The following CACNG2 variants were observed in gnomAD, a reference collection of about 807,000 sequenced individuals.
CACNG2 encodes the protein voltage-dependent calcium channel gamma-2 subunit.
Under a neutral mutation model 25.9 loss-of-function variants are expected in CACNG2, and 3 were observed. That is an observed-to-expected ratio of 0.12 (90% CI 0.05 to 0.30). The LOEUF is 0.30. Ranked by LOEUF, CACNG2 falls within the 10% of genes least tolerant of loss-of-function variation. The pLI is 1.00. For synonymous variants in CACNG2, 167 were observed against 173.3 expected (o/e 0.96, Z 0.29); for missense variants, 341 against 432.5 (o/e 0.79, Z 1.88).
chr22:36,651,356 G>A (rs1315086661), intron 1 of CACNG2, among the ~76,000 whole-genome samples: 2 of 148,172 alleles, frequency 1.3e-5, no homozygotes, highest in Non-Finnish European at 3.0e-5. Flanking sequence ...AGCCTCCCAA[G>A]TAGCTGGGAT....
At chr22:36,676,932 T>TGTGTGTGTGTGTGTGTG (rs1937027309) in intron 1 of CACNG2, among the ~76,000 whole-genome samples, 1 of 141,650 alleles carries the variant, frequency 7.1e-6, no homozygotes, top group East Asian at 2.1e-4. Context: ...TCTTCTAATA[T>TGTGTGTGTGTGTGTGTG]TGTGTGTGTG....
chr22:36,628,151 G>T (rs1194095739), intron 1 of CACNG2, among the ~76,000 whole-genome samples: 2 of 152,150 alleles, frequency 1.3e-5, no homozygotes, highest in African/African-American at 4.8e-5. Context: ...ATGTACTCAA[G>T]TTTTTATAAT....
At chr22:36,669,967 G>A (rs1936926295) in intron 1 of CACNG2, among the ~76,000 whole-genome samples, 2 of 152,094 alleles carry the variant, frequency 1.3e-5, no homozygotes, top group South Asian at 4.1e-4. Context: ...ACCCGCCTTG[G>A]CCTCCTAAAT....
At chr22:36,679,175 TTCCTTCCTTCCTTCCTTCCTTC>T (rs1601451667) in intron 1 of CACNG2, among the ~76,000 whole-genome samples, 1 of 127,504 alleles carries the variant, frequency 7.8e-6, no homozygotes, top group East Asian at 2.3e-4. Flanking sequence ...CCTTCCTTCC[TTCCTTCCTTCCTTCCTTCCTTC>T]CTTTCTTTCT....
At chr22:36,674,095 A>G (rs1041348857) in intron 1 of CACNG2, among the ~76,000 whole-genome samples, 1 of 152,150 alleles carries the variant, frequency 6.6e-6, no homozygotes, top group Non-Finnish European at 1.5e-5. Context: ...GCCATTGAAG[A>G]GGTTGCCTAG....
intron 1 of CACNG2, among the ~76,000 whole-genome samples, chr22:36,588,432 A>G (rs183335829): frequency 9.8e-4 from 149 of 152,330 alleles, no homozygotes; most frequent in African/African-American, 3.4e-3. Context: ...TGGCCTTTCT[A>G]AAAACCGATA....
intron 1 of CACNG2, among the ~76,000 whole-genome samples, chr22:36,615,340 G>A (rs1041875358): frequency 2.0e-5 from 3 of 152,190 alleles, no homozygotes; most frequent in African/African-American, 7.2e-5. Flanking sequence ...CACACCTGCA[G>A]GGCCCTTCTT....
Position 36,569,382 on chromosome 22 carries a change from G to A in CACNG2, c.296-2889C>T, listed in dbSNP as rs999057960. Reference sequence around the variant, plus strand: ...GGAGCACCCTGTAGTCTCCCTATGTGGCTTCCAAGGAGCCCAGGAAGGGTG... The same window carrying A: ...GGAGCACCCTGTAGTCTCCCTATGTAGCTTCCAAGGAGCCCAGGAAGGGTG... On this transcript the variant is annotated intron_variant, in intron 2 of 3. Coordinates refer to ENST00000300105, the MANE Select transcript of CACNG2 (RefSeq NM_006078.5). Among the ~76,000 whole-genome samples the A allele has an allele frequency of 2.6e-5, 4 of 152,118 alleles. No individual in the cohort carries two copies. In the South Asian group the frequency reaches 6.2e-4, roughly 24 times the overall value.
At chr22:36,697,244 A>G (rs1184289025) in intron 1 of CACNG2, among the ~76,000 whole-genome samples, 1 of 152,210 alleles carries the variant, frequency 6.6e-6, no homozygotes, top group Non-Finnish European at 1.5e-5. Flanking sequence ...AAAGCAGCTC[A>G]AGATGGCAGC....
chr22:36,662,139 T>C (rs927582408), intron 1 of CACNG2, among the ~76,000 whole-genome samples: 1 of 151,822 alleles, frequency 6.6e-6, no homozygotes, highest in African/African-American at 2.4e-5. Flanking sequence ...CCACCAAACC[T>C]GGCCAATTTT....
chr22:36,618,584 A>G (rs1936060049), intron 1 of CACNG2, among the ~76,000 whole-genome samples: 1 of 152,174 alleles, frequency 6.6e-6, no homozygotes, highest in African/African-American at 2.4e-5. Context: ...TCCACTTTTG[A>G]AAGGAAGGAG....
chr22:36,690,368 C>G (rs1285520106), intron 1 of CACNG2, among the ~76,000 whole-genome samples: 1 of 75,900 alleles, frequency 1.3e-5, no homozygotes, highest in African/African-American at 4.2e-5. Flanking sequence ...TTTTTTCCCC[C>G]CAAGGAACCA....
In CACNG2 at chr22:36,606,979, G is replaced by T. The variant is rs1485657309; in HGVS notation, c.212-19431C>A. 6.6e-6 allele frequency among the ~76,000 whole-genome samples: 1 copy of T among 151,392 alleles called. No individual in the cohort carries two copies. Among genetic ancestry groups the T allele is most frequent in the African/African-American group, 2.4e-5 (1 of 41,170 alleles). On this transcript the variant is annotated intron_variant, in intron 1 of 3. Transcript: ENST00000300105. The surrounding 1 kb of genome is among the most constrained non-coding windows in gnomAD (Gnocchi z 5.7). ...AGGTATTATGTGTATGTCTGTGTGT[G>T]GTGTGTTTGTATGTGTGTGGTGTGT...
intron 1 of CACNG2, among the ~76,000 whole-genome samples, chr22:36,640,243 C>G (rs968199206): frequency 1.3e-5 from 2 of 152,178 alleles, no homozygotes; most frequent in African/African-American, 4.8e-5. Context: ...CAATGACAAG[C>G]AGGAGTGACT....
intron 1 of CACNG2, among the ~76,000 whole-genome samples, chr22:36,590,899 G>A (rs1935581074): frequency 6.6e-6 from 1 of 151,966 alleles, no homozygotes; most frequent in African/African-American, 2.4e-5. Context: ...CGTGGCACAT[G>A]CATGCTGGTC....
intron 2 of CACNG2, among the ~76,000 whole-genome samples, chr22:36,582,134 C>G (rs959506704): frequency 6.6e-6 from 1 of 152,228 alleles, no homozygotes; most frequent in Non-Finnish European, 1.5e-5. Context: ...AGAGTTTTAA[C>G]TCTTCTGTCG....
chr22:36,568,747 C>T (rs1198757590), intron 2 of CACNG2, among the ~76,000 whole-genome samples: 1 of 152,102 alleles, frequency 6.6e-6, no homozygotes, highest in Non-Finnish European at 1.5e-5. Context: ...TTCTTCTGTC[C>T]TCACCATGGA....
At chr22:36,662,373 G>C (rs185367666) in intron 1 of CACNG2, among the ~76,000 whole-genome samples, 3 of 152,312 alleles carry the variant, frequency 2.0e-5, no homozygotes, top group South Asian at 4.1e-4. Flanking sequence ...AGAGCGATCA[G>C]TGATCTGCCA....
intron 1 of CACNG2, among the ~76,000 whole-genome samples, chr22:36,664,211 C>A (rs2145986764): frequency 6.6e-6 from 1 of 151,512 alleles, no homozygotes; most frequent in Non-Finnish European, 1.5e-5. Flanking sequence ...GATTTAAGAG[C>A]CAAGAAGGTC....
Sources: allele counts gnomAD v4.1 joint callset (sites outside exome capture counted in the v4.1 genomes callset), GRCh38; gene constraint gnomAD v4.1.1; non-coding constraint Gnocchi (gnomAD v3.1); transcripts MANE v1.5; gene names NCBI Gene and HGNC (gene_info 2026-07-23, HGNC 2026-07-21).